Variants in RBFOX1 observed in about 807,000 individuals in gnomAD.
The protein encoded by RBFOX1 is RNA binding protein fox-1 homolog 1.
Under a neutral mutation model 57.7 loss-of-function variants are expected in RBFOX1, and 8 were observed. The ratio of observed to expected loss-of-function variants is 0.14; its 90% CI spans 0.08 to 0.25. RBFOX1 has a LOEUF of 0.25. Among genes scored for constraint, RBFOX1 ranks in the 10% least tolerant of loss-of-function variants. The pLI is 1.00. For missense variants in RBFOX1, 611 were observed against 548.5 expected (o/e 1.11, Z -1.14); for synonymous variants, 326 against 222.4 (o/e 1.47, Z -4.15).
At chr16:6,244,984 C>G (rs965996299) in intron 1 of RBFOX1, among the ~76,000 whole-genome samples, 1 of 151,994 alleles carries the variant, frequency 6.6e-6, no homozygotes, top group Non-Finnish European at 1.5e-5. Flanking sequence ...CTTAGTACCT[C>G]TGACAGTATG....
intron 2 of RBFOX1, chr16:6,483,220 G>C (rs2095402500): frequency 1.7e-5 from 21 of 1,221,176 alleles, no homozygotes; most frequent in Non-Finnish European, 2.1e-5. Context: ...GGGGAAGCCG[G>C]ACCCGGGCCC....
intron 4 of RBFOX1, among the ~76,000 whole-genome samples, chr16:7,486,211 C>T (rs2065345622): frequency 1.4e-5 from 2 of 144,088 alleles, no homozygotes. Context: ...CAACCTCTGA[C>T]TCCCGGGTTC....
intron 4 of RBFOX1, among the ~76,000 whole-genome samples, chr16:5,886,415 G>C (rs1226854601): frequency 6.6e-6 from 1 of 152,220 alleles, no homozygotes; most frequent in Non-Finnish European, 1.5e-5. Flanking sequence ...GAGGAGTTCT[G>C]TAGAAATAGA....
chr16:6,878,492 A>G (rs567606764), intron 3 of RBFOX1, among the ~76,000 whole-genome samples: 1 of 152,310 alleles, frequency 6.6e-6, no homozygotes, highest in South Asian at 2.1e-4. Flanking sequence ...TGGACATGTG[A>G]TATGAGCAAG....
intron 3 of RBFOX1, among the ~76,000 whole-genome samples, chr16:6,743,969 A>T (rs1015299816): frequency 6.6e-6 from 1 of 151,774 alleles, no homozygotes; most frequent in Non-Finnish European, 1.5e-5. Flanking sequence ...TGTCAATGTT[A>T]TCTTTTCAAT....
At chr16:6,555,541 A>G (rs1352883758) in intron 2 of RBFOX1, among the ~76,000 whole-genome samples, 5 of 152,078 alleles carry the variant, frequency 3.3e-5, no homozygotes, top group South Asian at 2.1e-4. Context: ...CTACTAAAAA[A>G]TACAAAAAAT....
rs2058444049 is a variant in RBFOX1, at chr16:5,905,879, C to A, written c.351+38544C>A. Among the ~76,000 whole-genome samples, 4 of 152,198 alleles carry A rather than the reference C, an allele frequency of 2.6e-5. No individual in the cohort carries two copies. The South Asian group carries it at 8.3e-4, about 32-fold the overall frequency. On this transcript the variant is annotated intron_variant, in intron 4 of 19. Transcript: ENST00000641259. ...CCTCCTCCGGAAGCCTTCCTAATTT[C>A]CCTCTTTAGAATTCATCTCTTTTTC...
intron 5 of RBFOX1, among the ~76,000 whole-genome samples, chr16:7,528,419 G>C (rs901993655): frequency 2.0e-5 from 3 of 152,170 alleles, no homozygotes; most frequent in African/African-American, 7.2e-5. Context: ...ACTGATGTAA[G>C]TGTTTGAAGG....
intron 5 of RBFOX1, among the ~76,000 whole-genome samples, chr16:7,555,639 C>A (rs1477725507): frequency 6.6e-6 from 1 of 152,130 alleles, no homozygotes; most frequent in Non-Finnish European, 1.5e-5. Flanking sequence ...TTTCTCTTCC[C>A]CTTGAACGTT....
intron 4 of RBFOX1, among the ~76,000 whole-genome samples, chr16:7,391,081 A>C (rs557578413): frequency 6.6e-6 from 1 of 152,136 alleles, no homozygotes; most frequent in South Asian, 2.1e-4. Flanking sequence ...CCTTAAGAAC[A>C]TAGCTCTTAT....
rs1056498962 is a variant in RBFOX1, at chr16:5,584,424, A to G, written c.259-14478A>G. Among the ~76,000 whole-genome samples the G allele has an allele frequency of 3.9e-5, 6 of 152,170 alleles. No individual in the cohort carries two copies. The East Asian group carries it at 1.2e-3, about 29-fold the overall frequency. On this transcript the variant is annotated intron_variant, in intron 2 of 2. Coordinates refer to the RBFOX1 transcript ENST00000585867. ...CTGCATCTCCCAGCATTTTTGCCAG[A>G]CTTCTTGATGTTCCGTCTTCCCTTG...
At chr16:7,672,497 T>C (rs958448574) in intron 13 of RBFOX1, among the ~76,000 whole-genome samples, 1 of 152,234 alleles carries the variant, frequency 6.6e-6, no homozygotes, top group East Asian at 1.9e-4. Flanking sequence ...AGCAATATGG[T>C]TAAAATTCCT....
At chr16:6,802,881 T>C (rs1225733793) in intron 3 of RBFOX1, among the ~76,000 whole-genome samples, 1 of 152,184 alleles carries the variant, frequency 6.6e-6, no homozygotes, top group African/African-American at 2.4e-5. Context: ...GGAGCTGACA[T>C]AGTGGAATTG....
chr16:5,953,813 C>G (rs1045892189), intron 4 of RBFOX1, among the ~76,000 whole-genome samples: 1 of 151,832 alleles, frequency 6.6e-6, no homozygotes, highest in African/African-American at 2.4e-5. Context: ...TGCTGTAAAC[C>G]TGCGTGTGCA....
rs528417340 is a variant in RBFOX1, at chr16:7,630,539, G to A, written c.677-64G>A. ...CTCTGCATTTCTCGGTTGCATTGCC[G>A]TGATCTCTCAGGTGTAGTGTACCGA... On this transcript the variant is annotated intron_variant, in intron 10 of 15. Coordinates refer to ENST00000550418, the MANE Select transcript of RBFOX1 (RefSeq NM_018723.4). 1.4e-5 allele frequency: 23 copies of A among 1,603,808 alleles called. No individual in the cohort carries two copies. The African/African-American group carries it at 1.7e-4, about 12-fold the overall frequency.
chr16:5,743,025 A>G (rs769505617), intron 3 of RBFOX1, among the ~76,000 whole-genome samples: 1 of 152,222 alleles, frequency 6.6e-6, no homozygotes, highest in Non-Finnish European at 1.5e-5. Flanking sequence ...GCAAAGGATT[A>G]ACTCCGCTTA....
intron 3 of RBFOX1, among the ~76,000 whole-genome samples, chr16:6,801,524 G>A (rs1259653781): frequency 6.6e-6 from 1 of 152,102 alleles, no homozygotes; most frequent in Non-Finnish European, 1.5e-5. Context: ...TCATGGGTAA[G>A]CAAAAGTCAG....
chr16:6,136,163 C>A (rs567105916), intron 1 of RBFOX1, among the ~76,000 whole-genome samples: 1 of 152,064 alleles, frequency 6.6e-6, no homozygotes, highest in African/African-American at 2.4e-5. Flanking sequence ...GATGATAACA[C>A]CTATTAGAGG....
intron 3 of RBFOX1, among the ~76,000 whole-genome samples, chr16:6,875,481 A>G (rs576398285): frequency 1.3e-5 from 2 of 152,082 alleles, no homozygotes; most frequent in African/African-American, 4.8e-5. Flanking sequence ...GAATTTTTTG[A>G]ATCACCCTTA....
Sources: gnomAD v4.1 joint callset for allele counts (sites outside exome capture counted in the v4.1 genomes callset) on GRCh38, gnomAD v4.1.1 for gene constraint, MANE v1.5 for transcripts, NCBI Gene and HGNC (gene_info 2026-07-23, HGNC 2026-07-21) for gene names.